EZR: variants seen among roughly 807,000 people sequenced by gnomAD.
EZR encodes ezrin.
In EZR, 40 loss-of-function variants were observed where a neutral mutation model predicts 74.8. The ratio of observed to expected loss-of-function variants is 0.53; its 90% CI spans 0.42 to 0.70. EZR has a LOEUF of 0.70. Among genes scored for constraint, EZR ranks in the 30% least tolerant of loss-of-function variants. The pLI, the probability that EZR is intolerant of heterozygous loss-of-function variation, is 0.00. For missense variants in EZR, 678 were observed against 755.8 expected, an observed-to-expected ratio of 0.90 and a Z score of 1.21; for synonymous variants, 341 against 283.3, an observed-to-expected ratio of 1.20 and a Z score of -2.05.
rs191774920 is a variant in EZR, at chr6:158,798,271, A to G, written c.13-8900T>C. On this transcript the variant is annotated intron_variant, in intron 2 of 13. Coordinates refer to ENST00000367075, the MANE Select transcript of EZR (RefSeq NM_001111077.2). Reference sequence around the variant, plus strand: ...TCCTTGTTGCTTTTAGCAATTGCAAATAAGAAACAGCTGAAAAACAATGGC... The same window carrying G: ...TCCTTGTTGCTTTTAGCAATTGCAAGTAAGAAACAGCTGAAAAACAATGGC... Among the ~76,000 whole-genome samples the G allele has an allele frequency of 2.8e-3, 431 of 152,358 alleles. 2 individuals carry two copies. The highest frequency in any genetic ancestry group is 9.2e-3 in the African/African-American group (381 of 41,586).
chr6:158,791,095 C>T (rs1369991317), intron 2 of EZR, among the ~76,000 whole-genome samples: 3 of 152,184 alleles, frequency 2.0e-5, no homozygotes. Flanking sequence ...GCCGCTCCCA[C>T]CCCGTCCCAA....
chr6:158,783,007 C>T (rs574210417), intron 7 of EZR, among the ~76,000 whole-genome samples: 4 of 152,332 alleles, frequency 2.6e-5, no homozygotes, highest in Non-Finnish European at 4.4e-5. Context: ...CAACAAACAA[C>T]GTAACTAATG....
rs762210286 is a variant in EZR at position 158,766,888 on chromosome 6, C to CTCTACCCT, written c.*25_*26insAGGGTAGA. On this transcript the variant is annotated 3_prime_UTR_variant, in exon 14 of 14. Transcript: ENST00000367075. ...CTGGCAGCGCCCGCTATGAGCACCC[C>CTCTACCCT]TCTGCCCTTGGTCCTGGCCTGGCTG... 113 of 1,610,208 alleles carry CTCTACCCT rather than the reference C, an allele frequency of 7.0e-5. No individual in the cohort carries two copies. Among genetic ancestry groups the CTCTACCCT allele is most frequent in the Non-Finnish European group, 9.5e-5 (112 of 1,177,362 alleles).
intron 12 of EZR, among the ~76,000 whole-genome samples, chr6:158,767,767 C>G (rs532124402): frequency 2.0e-5 from 3 of 152,236 alleles, no homozygotes; most frequent in South Asian, 4.1e-4. Context: ...ACCTGTAACT[C>G]TAGACATTAT....
chr6:158,766,666 A>G lies in EZR; in HGVS notation c.*248T>C. 2 of 548,130 alleles carry G rather than the reference A, an allele frequency of 3.6e-6. No homozygotes were observed. Among genetic ancestry groups the G allele is most frequent in the Non-Finnish European group, 6.5e-6 (2 of 307,116 alleles). The allele number at this position is 548,130 out of a possible 1,614,324, so 34.0% of individuals were successfully genotyped here. On this transcript the variant is annotated 3_prime_UTR_variant, in exon 14 of 14. Transcript: ENST00000367075. ...CCGTAATTCAATCAGTCCTGCTCCC[A>G]GCACAACACAGGAGGTGATTCGAGA...
At chr6:158,784,776 G>GC in intron 5 of EZR, 49 bp from the exon 6 acceptor site, 1 of 1,548,930 alleles carries the variant, frequency 6.5e-7, no homozygotes, top group Non-Finnish European at 8.9e-7. Flanking sequence ...AATGTGACAG[G>GC]CAAGGAAGGA....
chr6:158,797,584 A>T (rs1168343537), intron 2 of EZR, among the ~76,000 whole-genome samples: 1 of 152,164 alleles, frequency 6.6e-6, no homozygotes, highest in Admixed American at 6.5e-5. Context: ...CACTTCAGCA[A>T]CTTTTAACAG....
Position 158,818,090 on chromosome 6 carries a change from G to C in EZR, c.4C>G (p.Pro2Ala), listed in dbSNP as rs141238344. ...GAAACTGGGCAACTTACTGGTTTCG[G>C]CATTTTCGGTTTCTGGTGAGTATCC... MPKPINVRVTTM... is the reference protein window; with the variant it reads MAKPINVRVTTM... Residue 2 changes from proline to alanine, a missense_variant, in exon 2 of 14, where the codon CCG (proline) becomes GCG (alanine). Around this residue, in one of 3 missense-constraint regions of EZR, gnomAD observed 217 missense variants for 232.2 expected, o/e 0.93. Coordinates refer to ENST00000367075, the MANE Select transcript of EZR (RefSeq NM_001111077.2). The C allele has an allele frequency of 1.9e-6, 3 of 1,608,546 alleles. No homozygotes were observed. In the African/African-American group the frequency reaches 4.0e-5, roughly 22 times the overall value.
In EZR at chr6:158,766,719, CA is replaced by C. The variant is rs1488443428; in HGVS notation, c.*194del. 1 of 623,482 alleles carries C rather than the reference CA, an allele frequency of 1.6e-6. No homozygotes were observed. Among genetic ancestry groups the C allele is most frequent in the African/African-American group, 1.8e-5 (1 of 54,660 alleles). The allele number at this position is 623,482 out of a possible 1,614,324, so 38.6% of individuals were successfully genotyped here. On this transcript the variant is annotated 3_prime_UTR_variant, in exon 14 of 14. Coordinates refer to ENST00000367075, the MANE Select transcript of EZR (RefSeq NM_001111077.2). ...AATCGCGAGAATCAGGCCTGCTTGG[CA>C]CTATTACAACTGGGGAAAACAAACC...
chr6:158,780,056 G>A (rs1178803732), intron 7 of EZR, among the ~76,000 whole-genome samples: 4 of 151,942 alleles, frequency 2.6e-5, no homozygotes, highest in Non-Finnish European at 4.4e-5. Flanking sequence ...GGTGGCATGT[G>A]CCTGTAATCC....
Position 158,776,284 on chromosome 6 carries a change from C to T in EZR, c.795+124G>A. On this transcript the variant is annotated intron_variant, in intron 8 of 13. Coordinates refer to ENST00000367075, the MANE Select transcript of EZR (RefSeq NM_001111077.2). ...CCTGGCCCACAGGATCTCTGGCCCTCAATGTAACCTCATGAGGAGTTTGGA... is the reference window on the plus strand; with the variant it reads ...CCTGGCCCACAGGATCTCTGGCCCTTAATGTAACCTCATGAGGAGTTTGGA... 3.8e-6 allele frequency: 3 copies of T among 799,274 alleles called. No homozygotes were observed. In the South Asian group the frequency reaches 4.6e-5, roughly 12 times the overall value. The allele number at this position is 799,274 out of a possible 1,614,324, so 49.5% of individuals were successfully genotyped here. A position where few individuals can be genotyped will look rare whatever the true frequency, so the allele number is the denominator to read the frequency against.
Position 158,767,085 on chromosome 6 carries a change from CA to C in EZR, c.1597-8del. 1 of 1,614,038 alleles carries C rather than the reference CA, an allele frequency of 6.2e-7. No individual in the cohort carries two copies. Among genetic ancestry groups the C allele is most frequent in the Non-Finnish European group, 8.5e-7 (1 of 1,179,940 alleles). On this transcript the variant is annotated splice_region_variant and splice_polypyrimidine_tract_variant and intron_variant, in intron 13 of 13. Coordinates refer to ENST00000367075, the MANE Select transcript of EZR (RefSeq NM_001111077.2). ...ACAGCTCGCTGCTCAGCGTCTGTAA[CA>C]TTAAGCAGCATTGGTCTAGTCCCTT... is the stretch of plus-strand genomic sequence containing the variant.
intron 2 of EZR, among the ~76,000 whole-genome samples, chr6:158,790,666 T>C (rs2128571634): frequency 6.8e-6 from 1 of 148,132 alleles, no homozygotes; most frequent in Non-Finnish European, 1.5e-5. Context: ...GGAGCAAGAC[T>C]CCATCTCAAA....
At chr6:158,778,013 A>C (rs1415483871) in intron 7 of EZR, among the ~76,000 whole-genome samples, 1 of 152,158 alleles carries the variant, frequency 6.6e-6, no homozygotes, top group African/African-American at 2.4e-5. Flanking sequence ...ATTAAAGGGG[A>C]ACTCCAGATA....
At chr6:158,770,059 GGGA>G (rs1791053112) in intron 10 of EZR, 115 bp from the exon 11 acceptor site, 1 of 1,382,724 alleles carries the variant, frequency 7.2e-7, no homozygotes, top group Non-Finnish European at 9.8e-7. Context: ...ACAGGTTGAG[GGGA>G]TGTCTTCCAG....
chr6:158,788,194 T>TTTG (rs1791634434), intron 3 of EZR: 1 of 152,212 alleles, frequency 6.6e-6, no homozygotes, highest in African/African-American at 2.4e-5. Flanking sequence ...TTGCTTAAAG[T>TTTG]AAATCCTAAA....
intron 2 of EZR, among the ~76,000 whole-genome samples, chr6:158,793,978 A>G (rs1791808715): frequency 6.6e-6 from 1 of 152,194 alleles, no homozygotes; most frequent in Admixed American, 6.5e-5. Context: ...GGCTTGGGGA[A>G]AAAAAACAGA....
intron 12 of EZR, among the ~76,000 whole-genome samples, chr6:158,769,010 G>A (rs911141705): frequency 1.4e-4 from 22 of 152,320 alleles, no homozygotes; most frequent in Middle Eastern, 3.4e-3. Flanking sequence ...CTGACCGGGG[G>A]CTGTCAGATC....
chr6:158,795,005 C>T (rs138833091), intron 2 of EZR, among the ~76,000 whole-genome samples: 208 of 152,314 alleles, frequency 1.4e-3, no homozygotes, highest in Middle Eastern at 3.4e-3. Context: ...AATCACAGCA[C>T]TCTGGGGGGC....
Sources: gnomAD v4.1 joint callset for allele counts (sites outside exome capture counted in the v4.1 genomes callset) on GRCh38, gnomAD v4.1.1 for gene constraint, gnomAD v4.1.1 regional missense constraint, MANE v1.5 for transcripts, NCBI Gene and HGNC (gene_info 2026-07-23, HGNC 2026-07-21) for gene names.